The following GTF2F2 variants were observed in gnomAD, a reference collection of about 807,000 sequenced individuals.
GTF2F2 encodes ATP-dependent helicase GTF2F2.
A neutral mutation model predicts 42.2 loss-of-function variants in GTF2F2; 23 were observed. The ratio of observed to expected loss-of-function variants is 0.55; its 90% CI spans 0.39 to 0.77. GTF2F2 has a LOEUF of 0.77. GTF2F2 is among the 30% of genes least tolerant of loss of function. The probability of loss-of-function intolerance (pLI) is 0.00; values close to 1 mark genes in which losing one functional copy is unlikely to be tolerated. For missense variants in GTF2F2, 261 were observed against 287.2 expected (o/e 0.91, Z 0.66); for synonymous variants, 105 against 100.8 (o/e 1.04, Z -0.25).
chr13:45,250,601 A>T (rs1243415816), intron 5 of GTF2F2, among the ~76,000 whole-genome samples: 1 of 152,152 alleles, frequency 6.6e-6, no homozygotes, highest in Non-Finnish European at 1.5e-5. Context: ...CACTTGCTGG[A>T]TAATTGACAG....
intron 7 of GTF2F2, among the ~76,000 whole-genome samples, chr13:45,277,376 TGAGA>T (rs1399785466): frequency 6.6e-6 from 1 of 151,482 alleles, no homozygotes; most frequent in Admixed American, 6.6e-5. Context: ...AAAGCAGGAG[TGAGA>T]GAGTGAGGCA....
At chr13:45,146,857 A>G (rs1057503532) in intron 2 of GTF2F2, among the ~76,000 whole-genome samples, 1 of 152,220 alleles carries the variant, frequency 6.6e-6, no homozygotes, top group Admixed American at 6.5e-5. Flanking sequence ...TAGCATTTAA[A>G]ATTTTGCACA....
At position 45,256,317 on chromosome 13, in the gene GTF2F2, A is replaced by C. The variant is rs529328423; in HGVS notation, c.486+3347A>C. Among the ~76,000 whole-genome samples the C allele has an allele frequency of 3.9e-5, 6 of 152,310 alleles. No homozygotes were observed. The South Asian group carries it at 1.2e-3, about 32-fold the overall frequency. On this transcript the variant is annotated intron_variant, in intron 6 of 7. Coordinates refer to ENST00000340473, the MANE Select transcript of GTF2F2 (RefSeq NM_004128.3). ...TAAGATTTACCTTCTTTAAACAAGT[A>C]CTTTTTAAATATCTGCTTCGTGTCT...
intron 2 of GTF2F2, among the ~76,000 whole-genome samples, chr13:45,144,159 G>A (rs1593452616): frequency 6.6e-6 from 1 of 152,168 alleles, no homozygotes; most frequent in East Asian, 1.9e-4. Context: ...GGCTGAGGCA[G>A]GAGAATCGCT....
chr13:45,272,471 A>AG (rs11393682), intron 7 of GTF2F2, among the ~76,000 whole-genome samples: 45,887 of 145,198 alleles, frequency 0.32, 9,278 homozygotes, highest in African/African-American at 0.57. Context: ...TGAACAGGTG[A>AG]GTGGTTCACG....
At chr13:45,160,766 G>GTT (rs59676340) in intron 4 of GTF2F2, among the ~76,000 whole-genome samples, 2,659 of 141,628 alleles carry the variant, frequency 0.019, 80 homozygotes, top group African/African-American at 0.056. Context: ...CCTGTCAGCT[G>GTT]TTTTTTTTTT....
At chr13:45,218,394 A>G (rs934665861) in intron 5 of GTF2F2, among the ~76,000 whole-genome samples, 4 of 152,206 alleles carry the variant, frequency 2.6e-5, no homozygotes, top group African/African-American at 7.2e-5. Flanking sequence ...AATTGTGGTA[A>G]TTTACAGATT....
At chr13:45,196,949 C>G (rs1872924911) in intron 4 of GTF2F2, among the ~76,000 whole-genome samples, 1 of 152,048 alleles carries the variant, frequency 6.6e-6, no homozygotes. Flanking sequence ...GTTTTCAAAA[C>G]CACTGATGAG....
At chr13:45,176,466 T>G (rs1177511826) in intron 4 of GTF2F2, among the ~76,000 whole-genome samples, 1 of 152,214 alleles carries the variant, frequency 6.6e-6, no homozygotes, top group Non-Finnish European at 1.5e-5. Context: ...TTAGATTTCT[T>G]GTCCATTTTT....
At chr13:45,272,453 A>C (rs188123687) in intron 7 of GTF2F2, among the ~76,000 whole-genome samples, 365 of 133,534 alleles carry the variant, frequency 2.7e-3, no homozygotes, top group African/African-American at 0.011. Flanking sequence ...AAAAAAAAAA[A>C]CAGGGTCTGA....
chr13:45,277,861 G>T (rs1157025446), intron 7 of GTF2F2, among the ~76,000 whole-genome samples: 1 of 152,182 alleles, frequency 6.6e-6, no homozygotes, highest in Non-Finnish European at 1.5e-5. Context: ...GCCATCATCA[G>T]TGTAAGTTTG....
At chr13:45,242,960 G>A (rs892580360) in intron 5 of GTF2F2, among the ~76,000 whole-genome samples, 3 of 152,114 alleles carry the variant, frequency 2.0e-5, no homozygotes, top group Non-Finnish European at 4.4e-5. Flanking sequence ...ATACTTGGAG[G>A]ATGTATATGC....
At chr13:45,135,312 T>C (rs1869562049) in intron 1 of GTF2F2, among the ~76,000 whole-genome samples, 1 of 152,052 alleles carries the variant, frequency 6.6e-6, no homozygotes, top group Admixed American at 6.6e-5. Flanking sequence ...GACGGAGTAT[T>C]GCTCTGGCGC....
chr13:45,162,721 G>A (rs1173286388), intron 4 of GTF2F2, among the ~76,000 whole-genome samples: 4 of 152,270 alleles, frequency 2.6e-5, no homozygotes, highest in East Asian at 1.9e-4. Context: ...AAAAGAAACC[G>A]CAGTGTAGGA....
chr13:45,120,648 G>T lies in GTF2F2; in HGVS notation c.-8G>T, dbSNP rs766089379. ...TGCATCCCGCACGCCTCCACCGGCT[G>T]CAGACCCATGGCCGAGCGCGGGGAA... is the stretch of plus-strand genomic sequence containing the variant. On this transcript the variant is annotated 5_prime_UTR_variant, in exon 1 of 8. Coordinates refer to ENST00000340473, the MANE Select transcript of GTF2F2 (RefSeq NM_004128.3). 24 of 1,555,352 alleles carry T rather than the reference G, an allele frequency of 1.5e-5. No individual in the cohort carries two copies. In the Middle Eastern group the frequency reaches 5.0e-4, roughly 33 times the overall value.
chr13:45,194,680 C>T lies in GTF2F2; in HGVS notation c.305-12744C>T, dbSNP rs1367548434. ...CCCCAGCCTGGTGATGGAATGGAAA[C>T]GCTGGCAGCATCGCCTGCGCTGTCA... is the stretch of plus-strand genomic sequence containing the variant. On this transcript the variant is annotated intron_variant, in intron 4 of 7. Coordinates refer to ENST00000340473, the MANE Select transcript of GTF2F2 (RefSeq NM_004128.3). 2.1e-5 allele frequency: 21 copies of T among 982,700 alleles called. No individual in the cohort carries two copies. In the Admixed American group the frequency reaches 2.7e-4, roughly 13 times the overall value. 60.9% of individuals were successfully genotyped at this position (982,700 alleles called of 1,614,324 possible).
intron 5 of GTF2F2, among the ~76,000 whole-genome samples, chr13:45,249,379 T>TAAA (rs5803289): frequency 2.0e-5 from 3 of 151,130 alleles, no homozygotes; most frequent in East Asian, 1.9e-4. Flanking sequence ...AGTTTATTTT[T>TAAA]AAAAAAAAAA....
At chr13:45,145,322 T>G (rs570959478) in intron 2 of GTF2F2, among the ~76,000 whole-genome samples, 20 of 152,336 alleles carry the variant, frequency 1.3e-4, no homozygotes, top group African/African-American at 4.3e-4. Context: ...TTTTTTGACA[T>G]AGAGAGATGT....
At chr13:45,270,084 A>C (rs1876725999) in intron 7 of GTF2F2, among the ~76,000 whole-genome samples, 1 of 152,170 alleles carries the variant, frequency 6.6e-6, no homozygotes, top group African/African-American at 2.4e-5. Context: ...TACATGCCTC[A>C]GCCTCCCGAA....
Sources: gnomAD v4.1 joint callset for allele counts (sites outside exome capture counted in the v4.1 genomes callset) on GRCh38, gnomAD v4.1.1 for gene constraint, MANE v1.5 for transcripts, NCBI Gene and HGNC (gene_info 2026-07-23, HGNC 2026-07-21) for gene names.